ACVR1: variants seen among roughly 807,000 people sequenced by gnomAD.
ACVR1 encodes the protein activin A receptor type 1, also known as activin receptor type-1.
A neutral mutation model predicts 57.1 loss-of-function variants in ACVR1; 38 were observed. That is an observed-to-expected ratio of 0.67 (90% confidence interval 0.51 to 0.87). The LOEUF (loss-of-function observed/expected upper bound fraction) is 0.87, where lower values mean the gene tolerates loss of function less well. Ranked by LOEUF, ACVR1 falls within the 40% of genes least tolerant of loss-of-function variation. The pLI, the probability that ACVR1 is intolerant of heterozygous loss-of-function variation, is 0.00. For synonymous variants in ACVR1, 212 were observed against 228.1 expected, an observed-to-expected ratio of 0.93 and a Z score of 0.63; for missense variants, 463 against 638.2, an observed-to-expected ratio of 0.73 and a Z score of 2.96.
At chr2:157,779,042 G>A (rs1047191883) in intron 4 of ACVR1, among the ~76,000 whole-genome samples, 1 of 152,114 alleles carries the variant, frequency 6.6e-6, no homozygotes, top group Non-Finnish European at 1.5e-5. Context: ...TCAACAGCTT[G>A]GCATACATCA....
chr2:157,875,248 G>C (rs1443530097), intron 1 of ACVR1: 1 of 152,196 alleles, frequency 6.6e-6, no homozygotes, highest in African/African-American at 2.4e-5. Flanking sequence ...CACATTCCTG[G>C]CTTTGAAGCT....
intron 7 of ACVR1, among the ~76,000 whole-genome samples, chr2:157,769,518 G>C (rs932980580): frequency 6.6e-6 from 1 of 152,182 alleles, no homozygotes; most frequent in Non-Finnish European, 1.5e-5. Flanking sequence ...TGAAGCTTTG[G>C]ACAACTGTCA....
At chr2:157,803,721 T>C (rs975129667) in intron 2 of ACVR1, among the ~76,000 whole-genome samples, 2 of 152,174 alleles carry the variant, frequency 1.3e-5, no homozygotes, top group African/African-American at 4.8e-5. Context: ...AATAATTCAA[T>C]AGTTCTGGGA....
At chr2:157,743,018 A>G (rs1024118305) in intron 9 of ACVR1, among the ~76,000 whole-genome samples, 1 of 152,010 alleles carries the variant, frequency 6.6e-6, no homozygotes, top group Admixed American at 6.6e-5. Flanking sequence ...TCCCCACCAA[A>G]GTCCATTCCC....
rs1366948378 is a variant in ACVR1 at position 157,819,032 on chromosome 2, C to T, written c.-182-473G>A. Reference sequence around the variant, plus strand: ...GGTGGAGCTTGCAGTGAGCCGAGATCCCGCCACTGCACTCCAGCCTGGGTG... The same window carrying T: ...GGTGGAGCTTGCAGTGAGCCGAGATTCCGCCACTGCACTCCAGCCTGGGTG... On this transcript the variant is annotated intron_variant, in intron 1 of 10. Transcript: ENST00000434821. 7.9e-5 allele frequency among the ~76,000 whole-genome samples: 10 copies of T among 126,392 alleles called. No homozygotes were observed. The Admixed American group carries it at 9.4e-4, about 12-fold the overall frequency. The allele number at this position is 126,392 out of a possible 152,430, so 82.9% of individuals were successfully genotyped here.
intron 1 of ACVR1, among the ~76,000 whole-genome samples, chr2:157,873,191 T>C (rs1255688425): frequency 6.6e-6 from 1 of 152,194 alleles, no homozygotes; most frequent in African/African-American, 2.4e-5. Context: ...ACTTTGACAA[T>C]CACTGGCAAA....
chr2:157,754,958 T>G (rs1574022944), intron 9 of ACVR1, among the ~76,000 whole-genome samples: 1 of 152,042 alleles, frequency 6.6e-6, no homozygotes, highest in Non-Finnish European at 1.5e-5. Context: ...GTTTAGCATA[T>G]GCAAGTCAAT....
At chr2:157,823,826 C>T (rs1056236650) in intron 1 of ACVR1, among the ~76,000 whole-genome samples, 6 of 152,084 alleles carry the variant, frequency 3.9e-5, no homozygotes, top group Non-Finnish European at 8.8e-5. Flanking sequence ...TTTACTCCTG[C>T]CAGAAATATA....
At chr2:157,762,843 G>A (rs987335276) in intron 8 of ACVR1, among the ~76,000 whole-genome samples, 3 of 152,164 alleles carry the variant, frequency 2.0e-5, no homozygotes, top group African/African-American at 7.2e-5. Context: ...GCTGAGACCT[G>A]CCGCCAATCA....
chr2:157,778,051 T>G (rs1686357566), intron 5 of ACVR1, 80 bp downstream of exon 5: 15 of 1,440,788 alleles, frequency 1.0e-5, no homozygotes, highest in Non-Finnish European at 1.5e-5. Flanking sequence ...CATTACTGGT[T>G]AGCGTTTCAT....
intron 1 of ACVR1, among the ~76,000 whole-genome samples, chr2:157,855,555 A>G (rs1371866405): frequency 6.6e-6 from 1 of 151,914 alleles, no homozygotes; most frequent in Non-Finnish European, 1.5e-5. Flanking sequence ...TACAGATGGC[A>G]TTTTTAGGTT....
At chr2:157,854,566 C>CA (rs1183620917) in intron 1 of ACVR1, among the ~76,000 whole-genome samples, 2 of 151,728 alleles carry the variant, frequency 1.3e-5, no homozygotes, top group African/African-American at 2.4e-5. Flanking sequence ...ACTAAAAATA[C>CA]AAAAAAATTA....
At chr2:157,823,884 G>A (rs1332000285) in intron 1 of ACVR1, among the ~76,000 whole-genome samples, 1 of 152,132 alleles carries the variant, frequency 6.6e-6, no homozygotes, top group Non-Finnish European at 1.5e-5. Flanking sequence ...GGCAGTGAGT[G>A]GGCTACAGTA....
At chr2:157,827,779 G>C (rs530361450) in intron 1 of ACVR1, among the ~76,000 whole-genome samples, 29 of 152,104 alleles carry the variant, frequency 1.9e-4, no homozygotes, top group Non-Finnish European at 2.8e-4. Flanking sequence ...CATCCAGGTC[G>C]ATGGAGGTAA....
chr2:157,854,747 T>C (rs1689451871), intron 1 of ACVR1, among the ~76,000 whole-genome samples: 1 of 142,574 alleles, frequency 7.0e-6, no homozygotes. Context: ...AGAGTGAATC[T>C]TTTTCAGGCC....
At chr2:157,854,680 G>A (rs1483170603) in intron 1 of ACVR1, among the ~76,000 whole-genome samples, 1 of 149,450 alleles carries the variant, frequency 6.7e-6, no homozygotes, top group East Asian at 2.0e-4. Flanking sequence ...CCGAGATTGT[G>A]CCACTGCACT....
chr2:157,752,345 T>C (rs934526682), intron 9 of ACVR1, among the ~76,000 whole-genome samples: 18 of 152,170 alleles, frequency 1.2e-4, no homozygotes, highest in African/African-American at 4.3e-4. Flanking sequence ...TGACATAGCC[T>C]ATCCAAATGA....
chr2:157,834,106 T>A (rs554630307), intron 1 of ACVR1, among the ~76,000 whole-genome samples: 40 of 152,322 alleles, frequency 2.6e-4, no homozygotes, highest in Non-Finnish European at 4.4e-4. Context: ...AATATAATTT[T>A]GGATTAAATT....
At chr2:157,831,365 C>T (rs1401963289) in intron 1 of ACVR1, among the ~76,000 whole-genome samples, 2 of 152,060 alleles carry the variant, frequency 1.3e-5, no homozygotes, top group African/African-American at 2.4e-5. Flanking sequence ...TTGCTTAATG[C>T]GTGAGTCATC....
Sources: allele counts gnomAD v4.1 joint callset (sites outside exome capture counted in the v4.1 genomes callset), GRCh38; gene constraint gnomAD v4.1.1; transcripts MANE v1.5; gene names NCBI Gene and HGNC (gene_info 2026-07-23, HGNC 2026-07-21).